The following AKAP9 variants were observed in gnomAD, a reference collection of about 807,000 sequenced individuals.
AKAP9 encodes the protein A-kinase anchor protein 9.
AKAP9 carries 311 observed loss-of-function variants against 488.5 expected under a neutral mutation model. That is an observed-to-expected ratio of 0.64 (90% CI 0.58 to 0.70). The LOEUF is 0.70. Ranked by LOEUF, AKAP9 falls within the 30% of genes least tolerant of loss-of-function variation. The pLI, the probability that AKAP9 is intolerant of heterozygous loss-of-function variation, is 0.00. For synonymous variants in AKAP9, 1,462 were observed against 1,483.5 expected (o/e 0.99, Z 0.33); for missense variants, 4,215 against 4,374.5 (o/e 0.96, Z 1.03).
At chr7:91,963,300 A>T (rs1379891616) in intron 1 of AKAP9, among the ~76,000 whole-genome samples, 2 of 152,142 alleles carry the variant, frequency 1.3e-5, no homozygotes, top group African/African-American at 4.8e-5. Context: ...GTAGTTGCTG[A>T]ATAACTGGGA....
chr7:92,091,565 G>A (rs138009670), intron 38 of AKAP9, among the ~76,000 whole-genome samples: 1,396 of 126,472 alleles, frequency 0.011, 24 homozygotes, highest in African/African-American at 0.042. Flanking sequence ...CAGCTTGGAC[G>A]ACAGGGCAAG....
intron 27 of AKAP9, 71 bp downstream of exon 27, chr7:92,070,277 G>A (rs1481284497): frequency 1.4e-6 from 2 of 1,466,144 alleles, no homozygotes; most frequent in Admixed American, 1.7e-5. Context: ...TCAACTTCTT[G>A]TAGGTATTAT....
chr7:92,035,348 A>G (rs1410739992), intron 16 of AKAP9, among the ~76,000 whole-genome samples: 1 of 152,188 alleles, frequency 6.6e-6, no homozygotes, highest in Non-Finnish European at 1.5e-5. Flanking sequence ...GTTCTTTTAA[A>G]TTTGATGCCC....
In AKAP9 at chr7:92,093,304, T is replaced by C; in HGVS notation, c.9566T>C (p.Leu3189Ser). 1 of 1,613,906 alleles carries C rather than the reference T, an allele frequency of 6.2e-7. No individual in the cohort carries two copies. The highest frequency in any genetic ancestry group is 1.1e-5 in the South Asian group (1 of 91,072). The change falls in exon 39 of 50, where the codon TTG (leucine) becomes TCG (serine). Residue 3189 changes from leucine (L) to serine (S), a missense_variant. By Grantham distance (145) the Leu-to-Ser change is moderately radical. This residue lies in a region of AKAP9 where 1,476 missense variants were observed against 1,477.4 expected (regional missense o/e 1.00). Transcript: ENST00000356239. ...LKAQHKHLKE[L>S]EAFRLEVKDK... ...GCACAGCATAAACACCTAAAAGAATTGGAGGCTTTCAGGTGTGCCAGGCTT... is the reference window on the plus strand; with the variant it reads ...GCACAGCATAAACACCTAAAAGAATCGGAGGCTTTCAGGTGTGCCAGGCTT...
intron 3 of AKAP9, among the ~76,000 whole-genome samples, chr7:91,990,033 T>C (rs1471668456): frequency 3.9e-5 from 6 of 152,176 alleles, no homozygotes; most frequent in Middle Eastern, 3.4e-3. Flanking sequence ...TGTACCTCAC[T>C]TGTACTTTCC....
chr7:91,952,219 A>G (rs1440361228), intron 1 of AKAP9, among the ~76,000 whole-genome samples: 1 of 152,222 alleles, frequency 6.6e-6, no homozygotes, highest in Non-Finnish European at 1.5e-5. Context: ...TAGAAAGTCA[A>G]TCACGATACA....
rs557965399 is a variant in AKAP9 at position 92,007,742 on chromosome 7, CAAG to C, written c.3318+4512_3318+4514del. Among the ~76,000 whole-genome samples, 5 of 152,138 alleles carry C rather than the reference CAAG, an allele frequency of 3.3e-5. No homozygotes were observed. In the South Asian group the frequency reaches 8.3e-4, roughly 25 times the overall value. On this transcript the variant is annotated intron_variant, in intron 8 of 49. Transcript: ENST00000356239. Reference sequence around the variant, plus strand: ...ATAGTTTATCTGGAGAAGAAATGCACAAGAAGAGTCAATAATATTTTTGAAAAA... The same window carrying C: ...ATAGTTTATCTGGAGAAGAAATGCACAAGAGTCAATAATATTTTTGAAAAA...
chr7:91,983,215 C>T (rs1375914356), intron 3 of AKAP9, among the ~76,000 whole-genome samples: 18 of 152,088 alleles, frequency 1.2e-4, no homozygotes, highest in Non-Finnish European at 7.4e-5. Flanking sequence ...CGCCACCCCA[C>T]GACAGGCCCC....
chr7:92,042,457 T>C (rs1201745112), intron 19 of AKAP9, among the ~76,000 whole-genome samples: 5 of 152,178 alleles, frequency 3.3e-5, no homozygotes, highest in Non-Finnish European at 5.9e-5. Context: ...TTTGAACCCA[T>C]TAAAATTTTT....
At chr7:92,012,381 G>T (rs771861550) in intron 8 of AKAP9, 48 bp from the exon 9 acceptor site, 3 of 1,507,294 alleles carry the variant, frequency 2.0e-6, no homozygotes, top group South Asian at 2.4e-5. Context: ...TAAATTATTT[G>T]ATTTGTCATT....
rs774870132 is a variant in AKAP9, at chr7:92,096,660, A to T, written c.9730-29A>T. ...CCAAGTATTTTTAATAATATTAACA[A>T]GTTCTTAAATTTGATTTTCTCGTAC... On this transcript the variant is annotated intron_variant, in intron 40 of 49. Transcript: ENST00000356239. 7 of 1,612,736 alleles carry T rather than the reference A, an allele frequency of 4.3e-6. No individual in the cohort carries two copies. The African/African-American group carries it at 9.3e-5, about 22-fold the overall frequency.
intron 33 of AKAP9, 133 bp from the exon 34 acceptor site, chr7:92,084,507 T>C (rs1378109851): frequency 1.7e-5 from 11 of 638,090 alleles, no homozygotes; most frequent in Admixed American, 3.0e-5. Flanking sequence ...AAAAAAACCA[T>C]GAATAATTTC....
At chr7:92,105,824 C>A (rs949635486) in intron 47 of AKAP9, 61 bp downstream of exon 47, 3 of 1,411,162 alleles carry the variant, frequency 2.1e-6, no homozygotes, top group Middle Eastern at 2.1e-4. Flanking sequence ...GGTCCCCCAC[C>A]CCCAGACTAT....
intron 21 of AKAP9, 64 bp downstream of exon 21, chr7:92,045,277 G>T: frequency 6.7e-7 from 1 of 1,489,482 alleles, no homozygotes. Context: ...AAGGCATTTT[G>T]CCATGTGTTG....
At chr7:91,955,792 C>G (rs1285978849) in intron 1 of AKAP9, among the ~76,000 whole-genome samples, 2 of 152,078 alleles carry the variant, frequency 1.3e-5, no homozygotes, top group African/African-American at 4.8e-5. Context: ...TGCCACCATG[C>G]CCGGCTAATT....
At chr7:92,035,208 C>CT (rs1264452342) in intron 16 of AKAP9, among the ~76,000 whole-genome samples, 1 of 152,218 alleles carries the variant, frequency 6.6e-6, no homozygotes, top group Non-Finnish European at 1.5e-5. Flanking sequence ...GTGACTTCCT[C>CT]TTTGATTCAT....
chr7:91,968,591 A>G (rs191799662), intron 1 of AKAP9, among the ~76,000 whole-genome samples: 6 of 152,106 alleles, frequency 3.9e-5, no homozygotes, highest in African/African-American at 1.4e-4. Flanking sequence ...CCTCAATTTC[A>G]TTTGTATCTG....
intron 14 of AKAP9, among the ~76,000 whole-genome samples, chr7:92,029,331 G>C (rs969550504): frequency 8.5e-5 from 13 of 152,122 alleles, no homozygotes; most frequent in African/African-American, 2.7e-4. Flanking sequence ...AGTTCCACTA[G>C]AGGTAAACAT....
chr7:92,090,621 CA>C (rs71107852), intron 38 of AKAP9: 2,075 of 111,322 alleles, frequency 0.019, 27 homozygotes, highest in African/African-American at 0.055. Context: ...GACTCCATCT[CA>C]AAAAAAAAAA....
Sources: gnomAD v4.1 joint callset for allele counts (sites outside exome capture counted in the v4.1 genomes callset) on GRCh38, gnomAD v4.1.1 for gene constraint, gnomAD v4.1.1 regional missense constraint, MANE v1.5 for transcripts, NCBI Gene and HGNC (gene_info 2026-07-23, HGNC 2026-07-21) for gene names.